Variants in PCDH15 observed in about 807,000 individuals in gnomAD.
PCDH15 encodes the protein protocadherin related 15.
In PCDH15, 129 loss-of-function variants were observed where a neutral mutation model predicts 178.5. The ratio of observed to expected loss-of-function variants is 0.72; its 90% CI spans 0.63 to 0.84. The LOEUF (loss-of-function observed/expected upper bound fraction) is 0.84. PCDH15 is among the 40% of genes least tolerant of loss of function. The pLI is 0.00. For synonymous variants in PCDH15, 800 were observed against 732.0 expected (o/e 1.09, Z -1.50); for missense variants, 2,230 against 2,099.9 (o/e 1.06, Z -1.21).
intron 18 of PCDH15, among the ~76,000 whole-genome samples, chr10:54,038,725 A>G (rs1590059550): frequency 1.3e-5 from 2 of 152,004 alleles, no homozygotes; most frequent in South Asian, 4.2e-4. Context: ...ATTCAGCTCT[A>G]CCTTCAAGGG....
At chr10:55,540,445 A>G (rs1003311689) in intron 2 of PCDH15, among the ~76,000 whole-genome samples, 7 of 152,180 alleles carry the variant, frequency 4.6e-5, no homozygotes, top group African/African-American at 1.7e-4. Flanking sequence ...TCAACAATAA[A>G]GAATGGCAGA....
chr10:55,498,642 T>C (rs916355239), intron 2 of PCDH15, among the ~76,000 whole-genome samples: 1 of 151,882 alleles, frequency 6.6e-6, no homozygotes, highest in Non-Finnish European at 1.5e-5. Context: ...TGCTCAGTAC[T>C]ATATAAGTAG....
chr10:55,610,788 G>T (rs2132159392), intron 2 of PCDH15, among the ~76,000 whole-genome samples: 1 of 152,026 alleles, frequency 6.6e-6, no homozygotes, highest in East Asian at 1.9e-4. Flanking sequence ...GAGTGTTTAT[G>T]GGGTAACAAC....
At chr10:54,831,304 G>C (rs901066814) in intron 3 of PCDH15, among the ~76,000 whole-genome samples, 7 of 151,934 alleles carry the variant, frequency 4.6e-5, no homozygotes, top group African/African-American at 1.5e-4. Context: ...GTTTTGGTGT[G>C]ACAGAAAAAA....
chr10:55,364,951 C>T (rs1044446199), intron 2 of PCDH15, among the ~76,000 whole-genome samples: 1 of 151,864 alleles, frequency 6.6e-6, no homozygotes, highest in African/African-American at 2.4e-5. Context: ...ATAAATTTTT[C>T]AATTGGTTCT....
intron 18 of PCDH15, among the ~76,000 whole-genome samples, chr10:54,051,510 C>G (rs2093773907): frequency 6.6e-6 from 1 of 152,138 alleles, no homozygotes; most frequent in East Asian, 1.9e-4. Flanking sequence ...AGACTAGAAG[C>G]ATTTTGCCCC....
At chr10:54,070,838 C>T (rs1033151048) in intron 17 of PCDH15, among the ~76,000 whole-genome samples, 5 of 152,030 alleles carry the variant, frequency 3.3e-5, no homozygotes, top group Admixed American at 3.3e-4. Flanking sequence ...ATCTCAATCC[C>T]ACCTTGGCCT....
At chr10:54,415,599 G>C (rs1954226154) in intron 3 of PCDH15, among the ~76,000 whole-genome samples, 1 of 150,900 alleles carries the variant, frequency 6.6e-6, no homozygotes. Flanking sequence ...TCACAGATGT[G>C]ATATATGTGA....
intron 5 of PCDH15, among the ~76,000 whole-genome samples, chr10:54,359,878 G>A (rs2134456689): frequency 6.6e-6 from 1 of 152,062 alleles, no homozygotes; most frequent in African/African-American, 2.4e-5. Flanking sequence ...TGATGCAGTA[G>A]GTATTGATGA....
intron 2 of PCDH15, among the ~76,000 whole-genome samples, chr10:55,461,484 A>G (rs894201355): frequency 6.6e-6 from 1 of 152,092 alleles, no homozygotes; most frequent in African/African-American, 2.4e-5. Flanking sequence ...GGGGGAAAAC[A>G]TTTTATAGGA....
At chr10:54,292,910 A>G (rs2059511334) in intron 8 of PCDH15, among the ~76,000 whole-genome samples, 1 of 152,188 alleles carries the variant, frequency 6.6e-6, no homozygotes, top group Non-Finnish European at 1.5e-5. Context: ...TATAGATTCA[A>G]TGCCATCCCC....
chr10:53,834,059 T>C (rs570191798), intron 29 of PCDH15, among the ~76,000 whole-genome samples: 2 of 152,274 alleles, frequency 1.3e-5, no homozygotes, highest in Non-Finnish European at 2.9e-5. Context: ...TTTCTCTCTG[T>C]CTCTGTCAAT....
At chr10:53,821,953 TTGTTACTTC>T in intron 32 of PCDH15, 2 of 1,613,774 alleles carry the variant, frequency 1.2e-6, no homozygotes, top group Non-Finnish European at 1.7e-6. Flanking sequence ...ATTTCCATAT[TTGTTACTTC>T]TGAAGGGCAC....
intron 2 of PCDH15, chr10:54,600,663 G>A: frequency 1.8e-6 from 1 of 570,880 alleles, no homozygotes; most frequent in South Asian, 1.4e-5. Flanking sequence ...CGTAATAAAG[G>A]AAGTCACCCA....
intron 2 of PCDH15, among the ~76,000 whole-genome samples, chr10:54,613,655 T>C (rs1019127598): frequency 6.6e-6 from 1 of 151,624 alleles, no homozygotes; most frequent in Non-Finnish European, 1.5e-5. Context: ...TGAAGACAAT[T>C]AAGCAAATTC....
At chr10:55,599,308 T>C (rs1384383697) in intron 2 of PCDH15, 1 of 152,166 alleles carries the variant, frequency 6.6e-6, no homozygotes, top group Non-Finnish European at 1.5e-5. Context: ...CAAGGTAGAA[T>C]TTTAGTTCAA....
intron 13 of PCDH15, among the ~76,000 whole-genome samples, chr10:54,181,793 C>T (rs2048007924): frequency 6.6e-6 from 1 of 152,152 alleles, no homozygotes; most frequent in African/African-American, 2.4e-5. Context: ...AAATACACAG[C>T]AGAAGCTATT....
chr10:54,432,240 T>C (rs7897600), intron 3 of PCDH15, among the ~76,000 whole-genome samples: 31,967 of 151,516 alleles, frequency 0.21, 4,262 homozygotes, highest in African/African-American at 0.38. Flanking sequence ...TGTGGAATCA[T>C]AAAACACCCA....
intron 25 of PCDH15, among the ~76,000 whole-genome samples, chr10:53,927,707 T>A (rs2084689016): frequency 6.6e-6 from 1 of 152,144 alleles, no homozygotes; most frequent in Admixed American, 6.5e-5. Context: ...AATACATCTT[T>A]CATCTTCATA....
Sources: gnomAD v4.1 joint callset for allele counts (sites outside exome capture counted in the v4.1 genomes callset) on GRCh38, gnomAD v4.1.1 for gene constraint, MANE v1.5 for transcripts, NCBI Gene and HGNC (gene_info 2026-07-23, HGNC 2026-07-21) for gene names.